SMC2: variants seen among roughly 807,000 people sequenced by gnomAD.
The protein encoded by SMC2 is structural maintenance of chromosomes protein 2.
In SMC2, 41 loss-of-function variants were observed where a neutral mutation model predicts 142.6. The ratio of observed to expected loss-of-function variants is 0.29; its 90% CI spans 0.22 to 0.37. SMC2 has a LOEUF of 0.37. Ranked by LOEUF, SMC2 falls within the 10% of genes least tolerant of loss-of-function variation. SMC2 has a pLI of 1.00. For synonymous variants in SMC2, 463 were observed against 457.5 expected, an observed-to-expected ratio of 1.01 and a Z score of -0.15; for missense variants, 1,265 against 1,373.7, an observed-to-expected ratio of 0.92 and a Z score of 1.25.
intron 18 of SMC2, among the ~76,000 whole-genome samples, chr9:104,125,826 C>T (rs1182050672): frequency 6.6e-6 from 1 of 152,160 alleles, no homozygotes; most frequent in Non-Finnish European, 1.5e-5. Flanking sequence ...CCAAAGGCTA[C>T]GTTGTTAATC....
At position 104,114,022 on chromosome 9, in the gene SMC2, A is replaced by C. The variant is rs1832798815; in HGVS notation, c.1473A>C (p.Arg491Ser). The C allele has an allele frequency of 6.2e-7, 1 of 1,602,736 alleles. No individual in the cohort carries two copies. The highest frequency in any genetic ancestry group is 8.5e-7 in the Non-Finnish European group (1 of 1,176,966). Residue 491 changes from arginine (R) to serine (S), a missense_variant, in exon 12 of 25, where the codon AGA becomes AGC. By Grantham distance (110) the Arg-to-Ser change is moderately radical (BLOSUM62 -1). Coordinates refer to ENST00000374793, the MANE Select transcript of SMC2 (RefSeq NM_006444.3). ...GGCAGCTGTCTCGTGATATTGGTAG[A>C]TTGAAAGAAACATATGAAGCTCTAT... is the stretch of plus-strand genomic sequence containing the variant. ...KRRQLSRDIG[R>S]LKETYEALLA... is the part of the protein sequence containing the mutation.
intron 22 of SMC2, among the ~76,000 whole-genome samples, chr9:104,132,534 T>C (rs949579381): frequency 1.3e-4 from 20 of 152,272 alleles, no homozygotes; most frequent in African/African-American, 4.8e-4. Flanking sequence ...CCATTTTTAC[T>C]ATAGCGGAAG....
At chr9:104,103,013 T>A (rs1831338111) in intron 9 of SMC2, among the ~76,000 whole-genome samples, 1 of 152,100 alleles carries the variant, frequency 6.6e-6, no homozygotes. Flanking sequence ...ATTAGGTACT[T>A]AACTATATGA....
chr9:104,126,609 A>C (rs1479367906), intron 18 of SMC2, 32 bp from the exon 19 acceptor site: 2 of 1,557,674 alleles, frequency 1.3e-6, no homozygotes, highest in South Asian at 1.2e-5. Context: ...TTAATAACCT[A>C]TATGAATACC....
intron 19 of SMC2, 106 bp downstream of exon 19, chr9:104,126,890 C>G (rs2131504349): frequency 3.6e-6 from 4 of 1,125,216 alleles, no homozygotes; most frequent in Non-Finnish European, 5.0e-6. Context: ...CACTCGTCAT[C>G]ATGAGAGAAT....
chr9:104,136,495 C>T (rs114479940), intron 23 of SMC2, among the ~76,000 whole-genome samples: 4,276 of 152,080 alleles, frequency 0.028, 200 homozygotes, highest in African/African-American at 0.098. Flanking sequence ...TCTCTTCTTA[C>T]TGGGACCTAT....
In SMC2 at chr9:104,140,373, G is replaced by C. The variant is rs530544826; in HGVS notation, c.*1058G>C. 6.6e-6 allele frequency: 1 copy of C among 152,166 alleles called. No individual in the cohort carries two copies. Among genetic ancestry groups the C allele is most frequent in the African/African-American group, 2.4e-5 (1 of 41,546 alleles). The allele number at this position is 152,166 out of a possible 1,614,324, so 9.4% of individuals were successfully genotyped here. On this transcript the variant is annotated 3_prime_UTR_variant, in exon 25 of 25. Transcript: ENST00000374793. ...ATGAGAATACTGTCTACAGTTTTTGGTACGTCATCACTAGAACAGTGACCC... is the reference window on the plus strand; with the variant it reads ...ATGAGAATACTGTCTACAGTTTTTGCTACGTCATCACTAGAACAGTGACCC...
At position 104,113,222 on chromosome 9, in the gene SMC2, T is replaced by C. The variant is rs966623927; in HGVS notation, c.1255-94T>C. 27 of 843,318 alleles carry C rather than the reference T, an allele frequency of 3.2e-5. No homozygotes were observed. In the South Asian group the frequency reaches 7.2e-4, roughly 23 times the overall value. 52.2% of individuals were successfully genotyped at this position (843,318 alleles called of 1,614,324 possible). A position where few individuals can be genotyped will look rare whatever the true frequency, so the allele number is the denominator to read the frequency against. The stretch of plus-strand genomic sequence containing the variant: ...AACAATTAAACTTTGAAGGTTAAGG[T>C]CTCTTAGTAAAACCAATCTGAATCT... On this transcript the variant is annotated intron_variant, in intron 10 of 24. Coordinates refer to ENST00000374793, the MANE Select transcript of SMC2 (RefSeq NM_006444.3).
At chr9:104,127,602 A>G (rs1834455964) in intron 20 of SMC2, 122 bp downstream of exon 20, 2 of 595,128 alleles carry the variant, frequency 3.4e-6, no homozygotes, top group Non-Finnish European at 5.3e-6. Flanking sequence ...ACAGCCTGGC[A>G]TAAATTTGAG....
In SMC2 at chr9:104,114,029, G is replaced by C. The variant is rs1178309380; in HGVS notation, c.1480G>C (p.Glu494Gln). 2.5e-6 allele frequency: 4 copies of C among 1,601,662 alleles called. No individual in the cohort carries two copies. Among genetic ancestry groups the C allele is most frequent in the Non-Finnish European group, 3.4e-6 (4 of 1,176,410 alleles). The change falls in exon 12 of 25, where the codon GAA becomes CAA. Residue 494 changes from glutamate to glutamine, a missense_variant. Coordinates refer to ENST00000374793, the MANE Select transcript of SMC2 (RefSeq NM_006444.3). Reference protein sequence around the residue: ...QLSRDIGRLKETYEALLARFP... With the variant: ...QLSRDIGRLKQTYEALLARFP... The stretch of plus-strand genomic sequence containing the variant: ...GTCTCGTGATATTGGTAGATTGAAA[G>C]AAACATATGAAGCTCTATTAGCCAG...
intron 21 of SMC2, 49 bp downstream of exon 21, chr9:104,129,894 A>G: frequency 1.4e-6 from 2 of 1,389,190 alleles, no homozygotes. Flanking sequence ...CATGACTAGC[A>G]TTGACAGCTC....
At chr9:104,095,049 C>A (rs571529059) in intron 1 of SMC2, among the ~76,000 whole-genome samples, 6 of 152,206 alleles carry the variant, frequency 3.9e-5, no homozygotes, top group South Asian at 2.1e-4. Flanking sequence ...AATCCATAGT[C>A]TTTGTTTAGG....
At chr9:104,132,957 AT>A (rs1835146933) in intron 22 of SMC2, among the ~76,000 whole-genome samples, 1 of 151,904 alleles carries the variant, frequency 6.6e-6, no homozygotes, top group Non-Finnish European at 1.5e-5. Context: ...AGCCAGTAAC[AT>A]TTATTCAGTG....
chr9:104,100,779 C>A (rs75785987), intron 7 of SMC2, among the ~76,000 whole-genome samples: 8,577 of 152,176 alleles, frequency 0.056, 650 homozygotes, highest in African/African-American at 0.18. Flanking sequence ...TCATTGAGAA[C>A]AATTTCCAGG....
rs888858080 is a variant in SMC2, at chr9:104,124,854, G to C, written c.2258-58G>C. On this transcript the variant is annotated intron_variant, in intron 17 of 24. Transcript: ENST00000374793. ...CAAACCATTTCTTCTATTAAAAGTT[G>C]AATTTGTCAACCTTTACCATTGTTA... 5.9e-6 allele frequency: 8 copies of C among 1,355,580 alleles called. No homozygotes were observed. In the African/African-American group the frequency reaches 1.2e-4, roughly 20 times the overall value. The allele number at this position is 1,355,580 out of a possible 1,614,324, so 84.0% of individuals were successfully genotyped here. A position where few individuals can be genotyped will look rare whatever the true frequency, so the allele number is the denominator to read the frequency against.
At chr9:104,107,993 C>T (rs2131360078) in intron 9 of SMC2, among the ~76,000 whole-genome samples, 1 of 152,272 alleles carries the variant, frequency 6.6e-6, no homozygotes. Context: ...CTACGAGGGG[C>T]ATACCTCCTC....
rs368726283 is a variant in SMC2, at chr9:104,108,005, G to C, written c.1021-3576G>C. 3.0e-4 allele frequency among the ~76,000 whole-genome samples: 45 copies of C among 152,270 alleles called. No individual in the cohort carries two copies. The East Asian group carries it at 8.3e-3, about 28-fold the overall frequency. On this transcript the variant is annotated intron_variant, in intron 9 of 24. Coordinates refer to ENST00000374793, the MANE Select transcript of SMC2 (RefSeq NM_006444.3). Reference sequence around the variant, plus strand: ...TAGCTACGAGGGGCATACCTCCTCAGGTGGTGGTGATGTTCTGCACCACAA... The same window carrying C: ...TAGCTACGAGGGGCATACCTCCTCACGTGGTGGTGATGTTCTGCACCACAA...
upstream of SMC2, among the ~76,000 whole-genome samples, chr9:104,091,589 T>C (rs926710613): frequency 6.6e-6 from 1 of 152,222 alleles, no homozygotes; most frequent in East Asian, 1.9e-4. Flanking sequence ...ATAAACTTCC[T>C]GTCATTATCA....
chr9:104,127,379 G>A lies in SMC2; in HGVS notation c.2689G>A (p.Ala897Thr), dbSNP rs1834428343. 1 of 1,613,570 alleles carries A rather than the reference G, an allele frequency of 6.2e-7. No homozygotes were observed. The highest frequency in any genetic ancestry group is 8.5e-7 in the Non-Finnish European group (1 of 1,179,756). The change falls in exon 20 of 25, where the codon GCA becomes ACA. Residue 897 changes from alanine to threonine, a missense_variant. By Grantham distance (58) the Ala-to-Thr change is moderately conservative. Coordinates refer to ENST00000374793, the MANE Select transcript of SMC2 (RefSeq NM_006444.3). ...TVIKAKYAEV[A>T]KHKEQNNDSQ... ...AATTAAAGCTAAATATGCAGAAGTGGCAAAACACAAGGAGCAAAACAATGA... is the reference window on the plus strand; with the variant it reads ...AATTAAAGCTAAATATGCAGAAGTGACAAAACACAAGGAGCAAAACAATGA...
Sources: gnomAD v4.1 joint callset for allele counts (sites outside exome capture counted in the v4.1 genomes callset) on GRCh38, gnomAD v4.1.1 for gene constraint, MANE v1.5 for transcripts, NCBI Gene and HGNC (gene_info 2026-07-23, HGNC 2026-07-21) for gene names.